SNURF: variants seen among roughly 807,000 people sequenced by gnomAD.
SNURF encodes the protein SNRPN upstream open reading frame, also known as SNURF protein.
In SNURF, 6 loss-of-function variants were observed where a neutral mutation model predicts 11.6. The observed-to-expected ratio is 0.52, with a 90% CI of 0.28 to 1.02. SNURF has a LOEUF of 1.02. Ranked by LOEUF, SNURF falls within the 50% of genes least tolerant of loss-of-function variation. SNURF has a pLI of 0.09. For synonymous variants in SNURF, 29 were observed against 31.6 expected (o/e 0.92, Z 0.27); for missense variants, 84 against 88.4 (o/e 0.95, Z 0.20).
At chr15:24,975,515 G>C (rs1297827382) in intron 4 of SNURF, 2 of 1,611,754 alleles carry the variant, frequency 1.2e-6, no homozygotes, top group East Asian at 4.5e-5. Context: ...ATCAAGTAAG[G>C]CTGATTTGGG....
At chr15:24,962,083 A>C (rs779030659) in intron 1 of SNURF, 31 bp from the exon 2 acceptor site, 3 of 1,557,572 alleles carry the variant, frequency 1.9e-6, no homozygotes, top group Non-Finnish European at 2.7e-6. Flanking sequence ...GATGCAGTCT[A>C]CCAAACAAAT....
rs150732976 is a variant in SNURF at position 24,974,642 on chromosome 15, A to G, written c.*46-716A>G. 7.6e-4 allele frequency: 506 copies of G among 666,820 alleles called. 1 individual carries two copies. In the African/African-American group the frequency reaches 7.9e-3, roughly 10 times the overall value. 41.3% of individuals were successfully genotyped at this position (666,820 alleles called of 1,614,324 possible). A position where few individuals can be genotyped will look rare whatever the true frequency, so the allele number is the denominator to read the frequency against. On this transcript the variant is annotated intron_variant and NMD_transcript_variant, in intron 3 of 6. Transcript: ENST00000580062. Reference sequence around the variant, plus strand: ...ATTTTTTTATTTTTATTTTTTTCAGACGGGGTCTTGCTCTGTCTCCCAGTC... The same window carrying G: ...ATTTTTTTATTTTTATTTTTTTCAGGCGGGGTCTTGCTCTGTCTCCCAGTC...
chr15:24,977,796 A>C, exon 7 of SNURF: 1 of 1,612,534 alleles, frequency 6.2e-7, no homozygotes, highest in Non-Finnish European at 8.5e-7. Context: ...TCCACAGGGA[A>C]GAGGCACTGT....
rs1085307632 is a variant in SNURF, at chr15:24,977,809, C to T, written c.*494C>T. On this transcript the variant is annotated 3_prime_UTR_variant and NMD_transcript_variant, in exon 7 of 7. Transcript: ENST00000580062. ...ACTCCACAGGGAAGAGGCACTGTAG[C>T]AGCTGCTGCTGTTGCTGCGACTGCC... The T allele has an allele frequency of 3.1e-6, 5 of 1,613,160 alleles. No homozygotes were observed. In the South Asian group the frequency reaches 5.5e-5, roughly 18 times the overall value.
chr15:24,972,990 C>T (rs548374166), downstream of SNURF, among the ~76,000 whole-genome samples: 8 of 152,216 alleles, frequency 5.3e-5, no homozygotes, highest in African/African-American at 1.4e-4. Context: ...TGGTTTCAAG[C>T]GATTCTCCTG....
At chr15:24,963,782 T>C (rs2075216590) in intron 2 of SNURF, among the ~76,000 whole-genome samples, 1 of 152,066 alleles carries the variant, frequency 6.6e-6, no homozygotes, top group Admixed American at 6.6e-5. Context: ...CTCATGCCTC[T>C]AATCCCAGCA....
At chr15:24,961,173 T>A (rs537267287) in intron 1 of SNURF, among the ~76,000 whole-genome samples, 2 of 152,336 alleles carry the variant, frequency 1.3e-5, no homozygotes, top group African/African-American at 4.8e-5. Flanking sequence ...ACATTATCAG[T>A]GTATAAAATT....
At chr15:24,958,719 CTTATTTTT>C (rs2074288627) in intron 1 of SNURF, 1 of 152,864 alleles carries the variant, frequency 6.5e-6, no homozygotes, top group Non-Finnish European at 1.5e-5. Context: ...TATCATTAAC[CTTATTTTT>C]TTGTTTTTAG....
At chr15:24,961,794 G>A (rs2074871732) in intron 1 of SNURF, among the ~76,000 whole-genome samples, 1 of 152,134 alleles carries the variant, frequency 6.6e-6, no homozygotes, top group South Asian at 2.1e-4. Flanking sequence ...GTGGTGGTAT[G>A]TATGTATCTA....
At chr15:24,955,609 G>T (rs2062709538) in intron 1 of SNURF, among the ~76,000 whole-genome samples, 2 of 149,008 alleles carry the variant, frequency 1.3e-5, no homozygotes, top group Admixed American at 6.7e-5. Context: ...CGACTGGGGG[G>T]GGAATTCGTC....
downstream of SNURF, among the ~76,000 whole-genome samples, chr15:24,969,425 G>A (rs2076121381): frequency 6.6e-6 from 1 of 152,008 alleles, no homozygotes; most frequent in Non-Finnish European, 1.5e-5. Flanking sequence ...TACCGCGCCC[G>A]GCCCATTTTG....
downstream of SNURF, chr15:24,978,245 G>T (rs766149753): frequency 2.1e-5 from 34 of 1,613,760 alleles, no homozygotes; most frequent in Non-Finnish European, 2.8e-5. Flanking sequence ...CACCAATTGG[G>T]CTTCCCCCTG....
intron 2 of SNURF, among the ~76,000 whole-genome samples, chr15:24,966,251 C>T (rs560906745): frequency 5.9e-5 from 9 of 152,012 alleles, no homozygotes; most frequent in African/African-American, 2.2e-4. Flanking sequence ...TTATAAATGA[C>T]TAGTAGATCT....
At chr15:24,966,129 T>C (rs186322050) in intron 2 of SNURF, among the ~76,000 whole-genome samples, 4 of 152,200 alleles carry the variant, frequency 2.6e-5, no homozygotes. Flanking sequence ...TTCCCCTCAA[T>C]GCAGACACCA....
At chr15:24,978,656 C>T (rs2077328563), downstream of SNURF, 7 of 590,512 alleles carry the variant, frequency 1.2e-5, no homozygotes, top group Non-Finnish European at 1.8e-5. Context: ...AGGGTGATGC[C>T]TATTAAGCAG....
At chr15:24,969,534 CTAAT>C (rs1566968665), downstream of SNURF, among the ~76,000 whole-genome samples, 3 of 152,178 alleles carry the variant, frequency 2.0e-5, no homozygotes, top group Non-Finnish European at 4.4e-5. Context: ...AAATTGGAAT[CTAAT>C]CATTGTCCAA....
chr15:24,978,659 T>C (rs2077328979), downstream of SNURF: 6 of 590,016 alleles, frequency 1.0e-5, no homozygotes, highest in Middle Eastern at 4.4e-4. Context: ...GTGATGCCTA[T>C]TAAGCAGTTG....
intron 1 of SNURF, among the ~76,000 whole-genome samples, chr15:24,960,975 T>G (rs1021868452): frequency 6.6e-6 from 1 of 152,210 alleles, no homozygotes; most frequent in Non-Finnish European, 1.5e-5. Flanking sequence ...TGGATTTTCT[T>G]TTTGTTTGTT....
chr15:24,965,993 G>T (rs761600194), intron 2 of SNURF, among the ~76,000 whole-genome samples: 21 of 152,120 alleles, frequency 1.4e-4, no homozygotes, highest in Non-Finnish European at 2.8e-4. Flanking sequence ...TCAGTGATTA[G>T]ACTATGAATT....
Sources: allele counts gnomAD v4.1 joint callset (sites outside exome capture counted in the v4.1 genomes callset), GRCh38; gene constraint gnomAD v4.1.1; transcripts MANE v1.5; gene names NCBI Gene and HGNC (gene_info 2026-07-23, HGNC 2026-07-21).